The following ESR2 variants were observed in gnomAD, a reference collection of about 807,000 sequenced individuals.
ESR2 encodes estrogen receptor 2, also known as estrogen receptor beta.
In ESR2, 36 loss-of-function variants were observed where a neutral mutation model predicts 49.6. That is an observed-to-expected ratio of 0.73 (90% CI 0.56 to 0.96). The LOEUF is 0.96. Ranked by LOEUF, ESR2 falls within the 40% of genes least tolerant of loss-of-function variation. The pLI, the probability that ESR2 is intolerant of heterozygous loss-of-function variation, is 0.00. For missense variants in ESR2, 714 were observed against 693.0 expected (o/e 1.03, Z -0.34); for synonymous variants, 320 against 266.1 (o/e 1.20, Z -1.97).
chr14:64,267,251 T>A (rs975804733), intron 4 of ESR2, among the ~76,000 whole-genome samples: 1 of 152,212 alleles, frequency 6.6e-6, no homozygotes, highest in South Asian at 2.1e-4. Context: ...AAATTTTAAT[T>A]AAATTTTATA....
intron 5 of ESR2, 58 bp from the exon 6 acceptor site, chr14:64,257,422 G>A (rs1388840709): frequency 1.3e-6 from 2 of 1,592,798 alleles, no homozygotes; most frequent in Non-Finnish European, 1.7e-6. Flanking sequence ...CTCCCTGTGT[G>A]TGTAGAGACA....
chr14:64,246,734 CAAAAAAAAAAA>C (rs71123836), intron 7 of ESR2, among the ~76,000 whole-genome samples: 22 of 36,450 alleles, frequency 6.0e-4, no homozygotes, highest in African/African-American at 1.4e-3. Context: ...AAGACTCTGT[CAAAAAAAAAAA>C]AAAAAAAAAA....
intron 1 of ESR2, among the ~76,000 whole-genome samples, chr14:64,307,507 C>T (rs1009055461): frequency 6.6e-6 from 1 of 151,390 alleles, no homozygotes; most frequent in Middle Eastern, 3.5e-3. Flanking sequence ...GCCACCACAC[C>T]GGTCTTTTAA....
rs577300383 is a variant in ESR2, at chr14:64,230,638, G to A, written c.*2499C>T. Among the ~76,000 whole-genome samples, 4 of 152,024 alleles carry A rather than the reference G, an allele frequency of 2.6e-5. No individual in the cohort carries two copies. The East Asian group carries it at 7.7e-4, about 29-fold the overall frequency. On this transcript the variant is annotated 3_prime_UTR_variant, in exon 9 of 9. Transcript: ENST00000341099. Reference sequence around the variant, plus strand: ...AAAATCCCTTCAAGACTATTTTAGGGTCAAGTCTTTTGTAGTCAGTCCTGG... The same window carrying A: ...AAAATCCCTTCAAGACTATTTTAGGATCAAGTCTTTTGTAGTCAGTCCTGG...
At chr14:64,297,788 G>A (rs1413364372), upstream of ESR2, 3 of 152,144 alleles carry the variant, frequency 2.0e-5, no homozygotes, top group East Asian at 5.8e-4. Flanking sequence ...CAGATGTCTA[G>A]AAGGGTGTCA....
chr14:64,269,022 T>A, intron 3 of ESR2, 111 bp from the exon 4 acceptor site: 1 of 706,924 alleles, frequency 1.4e-6, no homozygotes, highest in Middle Eastern at 3.6e-4. Flanking sequence ...GGGGACATCT[T>A]CTTAATGACC....
chr14:64,264,120 TA>T (rs1472265061), intron 4 of ESR2, among the ~76,000 whole-genome samples: 1 of 152,198 alleles, frequency 6.6e-6, no homozygotes, highest in African/African-American at 2.4e-5. Context: ...GAATTTCCCT[TA>T]AAAAAAGAAA....
chr14:64,322,713 A>G (rs913169245), intron 1 of ESR2, among the ~76,000 whole-genome samples: 1 of 152,182 alleles, frequency 6.6e-6, no homozygotes, highest in Non-Finnish European at 1.5e-5. Flanking sequence ...TCCTTTTGCA[A>G]ATAGTAATCT....
chr14:64,251,079 G>T (rs781715103), intron 6 of ESR2, among the ~76,000 whole-genome samples: 5 of 152,090 alleles, frequency 3.3e-5, no homozygotes, highest in Non-Finnish European at 7.3e-5. Context: ...ACTGGGCAAA[G>T]AGTGCCAAAT....
At chr14:64,278,082 C>T (rs186656343) in intron 3 of ESR2, among the ~76,000 whole-genome samples, 9 of 152,222 alleles carry the variant, frequency 5.9e-5, no homozygotes, top group Admixed American at 3.9e-4. Flanking sequence ...ACAAAATAGT[C>T]ATCGTATCAA....
In ESR2 at chr14:64,268,795, C is replaced by A; in HGVS notation, c.652G>T (p.Gly218Cys). ...KCYEVGMVKCGSRRERCGYRL... is the reference protein window; with the variant it reads ...KCYEVGMVKCCSRRERCGYRL... The stretch of plus-strand genomic sequence containing the variant: ...AATAAGAAGGGAAGCAAGCACTCAC[C>A]ACACTTCACCATTCCCACTTCGTAA... Residue 218 changes from glycine to cysteine, a missense_variant and splice_region_variant, in exon 4 of 9, where the codon GGC becomes TGC. Transcript: ENST00000341099. 2 of 1,595,606 alleles carry A rather than the reference C, an allele frequency of 1.3e-6. No individual in the cohort carries two copies. The highest frequency in any genetic ancestry group is 1.7e-6 in the Non-Finnish European group (2 of 1,163,414).
rs1199203068 is a variant in ESR2, at chr14:64,260,635, G to A, written c.766C>T (p.Arg256Trp). Residue 256 changes from arginine (R) to tryptophan (W), a missense_variant, in exon 5 of 9, where the codon CGG becomes TGG. Physicochemically the swap from Arg to Trp is moderately radical, Grantham distance 101 (BLOSUM62 -3). Transcript: ENST00000341099. Reference protein sequence around the residue: ...KRSGGHAPRVRELLLDALSPE... With the variant: ...KRSGGHAPRVWELLLDALSPE... ...CTCAGGGCGTCCAGCAGCAGCTCCC[G>A]CACTCGGGGCGCGTGGCCGCCACTT... is the stretch of plus-strand genomic sequence containing the variant. 14 of 1,609,466 alleles carry A rather than the reference G, an allele frequency of 8.7e-6. No individual in the cohort carries two copies. Among genetic ancestry groups the A allele is most frequent in the South Asian group, 4.4e-5 (4 of 90,688 alleles).
intron 1 of ESR2, among the ~76,000 whole-genome samples, chr14:64,283,747 C>CAAAAAAA (rs757997424): frequency 6.6e-5 from 3 of 45,546 alleles, no homozygotes; most frequent in Non-Finnish European, 7.4e-5. Context: ...GACCCTGTCT[C>CAAAAAAA]AAAAAAAAAA....
chr14:64,320,262 T>C (rs1437181913), intron 1 of ESR2, among the ~76,000 whole-genome samples: 1 of 152,066 alleles, frequency 6.6e-6, no homozygotes, highest in African/African-American at 2.4e-5. Flanking sequence ...AAGACAAAAC[T>C]ACGGAGGTAG....
At chr14:64,300,053 C>A (rs1596473064) in intron 1 of ESR2, among the ~76,000 whole-genome samples, 1 of 152,206 alleles carries the variant, frequency 6.6e-6, no homozygotes, top group East Asian at 1.9e-4. Flanking sequence ...ACGCCACCAG[C>A]CACAGCTTAC....
intron 3 of ESR2, among the ~76,000 whole-genome samples, chr14:64,269,167 G>A (rs970280632): frequency 2.0e-5 from 3 of 152,184 alleles, no homozygotes; most frequent in Non-Finnish European, 4.4e-5. Flanking sequence ...TCAAAAGAGA[G>A]ATATAAAAAT....
rs2098725461 is a variant in ESR2, at chr14:64,229,702, T to G, written c.*3435A>C. The stretch of plus-strand genomic sequence containing the variant: ...TCAATCACCTACTCCCCACGTGACC[T>G]TCAGCAAGTTTGCTTAGACCGTGTC... On this transcript the variant is annotated 3_prime_UTR_variant, in exon 9 of 9. Transcript: ENST00000341099. Among the ~76,000 whole-genome samples the G allele has an allele frequency of 6.6e-6, 1 of 152,236 alleles. No individual in the cohort carries two copies. The highest frequency in any genetic ancestry group is 2.4e-5 in the African/African-American group (1 of 41,466).
At chr14:64,299,567 G>A (rs1277118004) in intron 1 of ESR2, among the ~76,000 whole-genome samples, 1 of 151,956 alleles carries the variant, frequency 6.6e-6, no homozygotes, top group East Asian at 1.9e-4. Context: ...TTTCACCGTG[G>A]TAGCCAGGAT....
intron 1 of ESR2, chr14:64,303,650 A>T (rs1345123248): frequency 6.6e-6 from 1 of 152,212 alleles, no homozygotes; most frequent in Non-Finnish European, 1.5e-5. Context: ...CAACAGGTTG[A>T]TGTCTCCCTC....
Sources: allele counts gnomAD v4.1 joint callset (sites outside exome capture counted in the v4.1 genomes callset), GRCh38; gene constraint gnomAD v4.1.1; transcripts MANE v1.5; gene names NCBI Gene and HGNC (gene_info 2026-07-23, HGNC 2026-07-21).